The following NFE2L3 variants were observed in gnomAD, a reference collection of about 807,000 sequenced individuals.
The protein encoded by NFE2L3 is NFE2 like bZIP transcription factor 3, also known as nuclear factor erythroid 2-related factor 3.
A neutral mutation model predicts 23.5 loss-of-function variants in NFE2L3; 18 were observed. The observed-to-expected ratio is 0.77, with a 90% CI of 0.53 to 1.13. NFE2L3 has a LOEUF of 1.13. NFE2L3 is among the 50% of genes most tolerant of loss of function. NFE2L3 has a pLI of 0.00. For missense variants in NFE2L3, 1,152 were observed against 877.2 expected (o/e 1.31, Z -3.96); for synonymous variants, 424 against 354.5 (o/e 1.20, Z -2.20).
intron 2 of NFE2L3, among the ~76,000 whole-genome samples, chr7:26,182,180 T>TAA (rs1174499653): frequency 6.6e-6 from 1 of 152,174 alleles, no homozygotes; most frequent in East Asian, 1.9e-4. Flanking sequence ...AAACATTTTT[T>TAA]AAATTACCTG....
Position 26,152,437 on chromosome 7 carries a change from C to T in NFE2L3, c.-62C>T, listed in dbSNP as rs1386120259. ...CGCGCGGGGTCCGCACGTGTCACCC[C>T]GGCGGCTGGGGCGCCGGGACCCGCG... On this transcript the variant is annotated 5_prime_UTR_variant, in exon 1 of 4. Coordinates refer to ENST00000056233, the MANE Select transcript of NFE2L3 (RefSeq NM_004289.7). This position sits in a 1 kb window ranked among gnomAD's most constrained non-coding sequence, Gnocchi z 4.4. 1 of 1,173,170 alleles carries T rather than the reference C, an allele frequency of 8.5e-7. No homozygotes were observed. The allele number at this position is 1,173,170 out of a possible 1,614,324, so 72.7% of individuals were successfully genotyped here.
chr7:26,184,791 C>G lies in NFE2L3; in HGVS notation c.1093C>G (p.Leu365Val), dbSNP rs779498257. The change falls in exon 4 of 4, where the codon CTT becomes GTT. Residue 365 changes from leucine (L) to valine (V), a missense_variant. Leu to Val is a conservative substitution (Grantham distance 32, BLOSUM62 1). Transcript: ENST00000056233. ...TLPGTNLTGF[L>V]SPVDNHMRNL... is the part of the protein sequence containing the mutation. ...TCCTGGAACTAATTTGACAGGATTT[C>G]TTTCACCGGTTGACAATCATATGAG... The G allele has an allele frequency of 9.3e-6, 15 of 1,613,936 alleles. No homozygotes were observed. Among genetic ancestry groups the G allele is most frequent in the Non-Finnish European group, 1.2e-5 (14 of 1,179,844 alleles).
At chr7:26,173,588 C>G (rs1784356934) in intron 1 of NFE2L3, 1 of 152,184 alleles carries the variant, frequency 6.6e-6, no homozygotes, top group Non-Finnish European at 1.5e-5. Flanking sequence ...CCACAAAAAA[C>G]CTTACCTTGG....
At chr7:26,177,580 GAGGGAGACCGTCGA>G (rs1311087428) in intron 1 of NFE2L3, among the ~76,000 whole-genome samples, 1 of 152,252 alleles carries the variant, frequency 6.6e-6, no homozygotes, top group Admixed American at 6.5e-5. Context: ...CTCAGCAATG[GAGGGAGACCGTCGA>G]AAGGAGGGAA....
In NFE2L3 at chr7:26,186,513, TGCACTGAAGACCTACGG is replaced by T. The variant is rs1220875925; in HGVS notation, c.*731_*747del. ...ACACAGAATACTATGTGATATAGAA[TGCACTGAAGACCTACGG>T]TCACTGGTAGTTTGAGCCACAGGCC... On this transcript the variant is annotated 3_prime_UTR_variant, in exon 4 of 4. Transcript: ENST00000056233. 2.0e-5 allele frequency: 3 copies of T among 152,200 alleles called. No homozygotes were observed. Among genetic ancestry groups the T allele is most frequent in the Non-Finnish European group, 4.4e-5 (3 of 68,020 alleles). 9.4% of individuals were successfully genotyped at this position (152,200 alleles called of 1,614,324 possible). A position where few individuals can be genotyped will look rare whatever the true frequency, so the allele number is the denominator to read the frequency against.
intron 1 of NFE2L3, among the ~76,000 whole-genome samples, chr7:26,171,395 T>A (rs900469353): frequency 5.9e-5 from 9 of 152,070 alleles, no homozygotes; most frequent in African/African-American, 2.2e-4. Flanking sequence ...AATACAAAAA[T>A]TATCTGGGTG....
chr7:26,183,129 G>A (rs780133387), intron 2 of NFE2L3, among the ~76,000 whole-genome samples: 6 of 152,054 alleles, frequency 3.9e-5, no homozygotes, highest in Non-Finnish European at 7.3e-5. Flanking sequence ...GCTGGCTATG[G>A]AGGGGCAAAA....
chr7:26,162,919 C>T (rs1372830099), intron 1 of NFE2L3, among the ~76,000 whole-genome samples: 1 of 152,068 alleles, frequency 6.6e-6, no homozygotes, highest in Non-Finnish European at 1.5e-5. Context: ...ACCATGTTGC[C>T]CAGGGTGGTC....
intron 1 of NFE2L3, among the ~76,000 whole-genome samples, chr7:26,175,486 TAA>T (rs1784387198): frequency 1.3e-5 from 2 of 151,768 alleles, no homozygotes; most frequent in African/African-American, 4.8e-5. Context: ...TAGTTTATAA[TAA>T]TAGTTTCCGC....
chr7:26,164,181 A>G (rs1784212829), intron 1 of NFE2L3, among the ~76,000 whole-genome samples: 1 of 152,210 alleles, frequency 6.6e-6, no homozygotes, highest in African/African-American at 2.4e-5. Flanking sequence ...CAGTAATGGG[A>G]TGGCTAGGTC....
chr7:26,160,066 G>A (rs1215955090), intron 1 of NFE2L3, among the ~76,000 whole-genome samples: 1 of 149,232 alleles, frequency 6.7e-6, no homozygotes, highest in Non-Finnish European at 1.5e-5. Flanking sequence ...CCATCCTCCT[G>A]CCTTAGTCTC....
intron 1 of NFE2L3, among the ~76,000 whole-genome samples, chr7:26,166,804 A>G (rs1309840131): frequency 6.6e-6 from 1 of 152,190 alleles, no homozygotes; most frequent in Non-Finnish European, 1.5e-5. Context: ...CAGGCCTCAG[A>G]GTGCTTTGGC....
rs1186889544 is a variant in NFE2L3, at chr7:26,186,368, T to C, written c.*585T>C. 2.6e-5 allele frequency: 4 copies of C among 152,226 alleles called. No homozygotes were observed. Among genetic ancestry groups the C allele is most frequent in the African/African-American group, 9.7e-5 (4 of 41,448 alleles). The allele number at this position is 152,226 out of a possible 1,614,324, so 9.4% of individuals were successfully genotyped here. A position where few individuals can be genotyped will look rare whatever the true frequency, so the allele number is the denominator to read the frequency against. On this transcript the variant is annotated 3_prime_UTR_variant, in exon 4 of 4. Coordinates refer to ENST00000056233, the MANE Select transcript of NFE2L3 (RefSeq NM_004289.7). ...CTTCCAAAATATCCACATTCAGGAA[T>C]ATAGGTGAATAACAAATAAGGCAGC...
Position 26,185,972 on chromosome 7 carries a change from ATCTGGGGGAGCCACAACTTT to A in NFE2L3, c.*192_*211del. 1 of 508,620 alleles carries A rather than the reference ATCTGGGGGAGCCACAACTTT, an allele frequency of 2.0e-6. No individual in the cohort carries two copies. The highest frequency in any genetic ancestry group is 3.7e-5 in the South Asian group (1 of 26,692). 31.5% of individuals were successfully genotyped at this position (508,620 alleles called of 1,614,324 possible). Reference sequence around the variant, plus strand: ...GACTTCAAGATCACACTTGTGGGCAATCTGGGGGAGCCACAACTTTTCATGAAGTGCATTGTATACAAAAT... The same window carrying A: ...GACTTCAAGATCACACTTGTGGGCAATCATGAAGTGCATTGTATACAAAAT... On this transcript the variant is annotated 3_prime_UTR_variant, in exon 4 of 4. Coordinates refer to ENST00000056233, the MANE Select transcript of NFE2L3 (RefSeq NM_004289.7).
Position 26,184,244 on chromosome 7 carries a change from TA to T in NFE2L3, c.835-286del, listed in dbSNP as rs1301322015. 6 of 385,124 alleles carry T rather than the reference TA, an allele frequency of 1.6e-5. No homozygotes were observed. In the South Asian group the frequency reaches 2.2e-4, roughly 14 times the overall value. 23.9% of individuals were successfully genotyped at this position (385,124 alleles called of 1,614,324 possible). On this transcript the variant is annotated intron_variant, in intron 3 of 3. Coordinates refer to ENST00000056233, the MANE Select transcript of NFE2L3 (RefSeq NM_004289.7). ...CGCTAGGATGAGTTGCATCTTATTA[TA>T]AAGTAGCAAATTACAAGATTGTAAC... is the stretch of plus-strand genomic sequence containing the variant.
intron 2 of NFE2L3, among the ~76,000 whole-genome samples, chr7:26,182,051 GTT>G (rs1407290625): frequency 5.3e-5 from 8 of 152,070 alleles, no homozygotes; most frequent in Non-Finnish European, 8.8e-5. Context: ...TTTAAAATGA[GTT>G]TATGGCAAAA....
intron 2 of NFE2L3, 120 bp downstream of exon 2, chr7:26,178,242 A>G (rs1247553907): frequency 2.7e-5 from 20 of 733,864 alleles, no homozygotes; most frequent in Admixed American, 3.0e-5. Context: ...AACAAATATG[A>G]TATATGAAAA....
chr7:26,180,188 G>A (rs1482151483), intron 2 of NFE2L3, among the ~76,000 whole-genome samples: 4 of 152,054 alleles, frequency 2.6e-5, no homozygotes, highest in Admixed American at 6.6e-5. Flanking sequence ...CCCAAACTGC[G>A]GAAAACACAC....
intron 2 of NFE2L3, among the ~76,000 whole-genome samples, chr7:26,182,174 A>C (rs1242333591): frequency 6.6e-6 from 1 of 152,202 alleles, no homozygotes; most frequent in African/African-American, 2.4e-5. Context: ...AAGAAGAAAC[A>C]TTTTTTAAAT....
Sources: gnomAD v4.1 joint callset for allele counts (sites outside exome capture counted in the v4.1 genomes callset) on GRCh38, gnomAD v4.1.1 for gene constraint, Gnocchi (gnomAD v3.1) non-coding constraint, MANE v1.5 for transcripts, NCBI Gene and HGNC (gene_info 2026-07-23, HGNC 2026-07-21) for gene names.